Variants in AGR3 observed in about 807,000 individuals in gnomAD.
AGR3 encodes the protein anterior gradient protein 3.
A neutral mutation model predicts 24.5 loss-of-function variants in AGR3; 37 were observed. The observed-to-expected ratio is 1.51, with a 90% CI of 1.16 to 1.99. The LOEUF (loss-of-function observed/expected upper bound fraction) is 1.99. Among genes scored for constraint, AGR3 ranks in the 30% most tolerant of loss-of-function variants. The probability of loss-of-function intolerance (pLI) is 0.00; values close to 1 mark genes in which losing one functional copy is unlikely to be tolerated. For synonymous variants in AGR3, 75 were observed against 61.6 expected (o/e 1.22, Z -1.02); for missense variants, 228 against 191.1 (o/e 1.19, Z -1.14).
At chr7:16,869,190 A>G (rs995415261) in intron 3 of AGR3, among the ~76,000 whole-genome samples, 2 of 152,150 alleles carry the variant, frequency 1.3e-5, no homozygotes, top group African/African-American at 2.4e-5. Flanking sequence ...TTTCAGATCT[A>G]TTAACATCTG....
intron 2 of AGR3, among the ~76,000 whole-genome samples, 164 bp from the exon 3 acceptor site, chr7:16,874,007 T>C (rs922114765): frequency 6.6e-6 from 1 of 152,158 alleles, no homozygotes. Flanking sequence ...GATATGGAGG[T>C]GATTTCCCTT....
intron 3 of AGR3, 28 bp downstream of exon 3, chr7:16,873,752 G>T (rs1177537827): frequency 1.3e-6 from 2 of 1,545,880 alleles, no homozygotes; most frequent in East Asian, 2.3e-5. Context: ...CAAATAAAAG[G>T]AAAAAAATGA....
chr7:16,878,615 T>G lies in AGR3; in HGVS notation c.4A>C (p.Met2Leu), dbSNP rs987363219. MMLHSALGLCLL... is the reference protein window; with the variant it reads MLLHSALGLCLL... ...CAGAGACCCAAAGCTGAGTGTAGCA[T>G]CATGTCTTCTAGAGACTCTCTCAGA... is the stretch of plus-strand genomic sequence containing the variant. Residue 2 changes from methionine (M) to leucine (L), a missense_variant, in exon 2 of 8, where the codon ATG becomes CTG. Transcript: ENST00000310398. 1 of 1,613,592 alleles carries G rather than the reference T, an allele frequency of 6.2e-7. No individual in the cohort carries two copies. The highest frequency in any genetic ancestry group is 1.3e-5 in the African/African-American group (1 of 74,922).
intron 3 of AGR3, chr7:16,864,161 CTG>C: frequency 3.1e-6 from 2 of 647,558 alleles, no homozygotes; most frequent in Non-Finnish European, 4.9e-6. Flanking sequence ...AATTAACAAA[CTG>C]TTGTGTAATT....
At chr7:16,881,312 T>C (rs1253760161) in intron 1 of AGR3, among the ~76,000 whole-genome samples, 1 of 152,228 alleles carries the variant, frequency 6.6e-6, no homozygotes, top group Non-Finnish European at 1.5e-5. Context: ...TTTACATTGA[T>C]AAATTATAAA....
rs368862647 is a variant in AGR3 at position 16,878,573 on chromosome 7, C to G, written c.46G>C (p.Val16Leu). The G allele has an allele frequency of 4.2e-5, 68 of 1,614,118 alleles. No homozygotes were observed. The East Asian group carries it at 8.5e-4, about 20-fold the overall frequency. Reference sequence around the variant, plus strand: ...ATTGCAATGGCAAGGTTGGAAGAAACTGTGACGAGTAAGAGGCAGAGACCC... The same window carrying G: ...ATTGCAATGGCAAGGTTGGAAGAAAGTGTGACGAGTAAGAGGCAGAGACCC... ...ALGLCLLLVT[V>L]SSNLAIAIKK... is the part of the protein sequence containing the mutation. The change falls in exon 2 of 8, where the codon GTT (valine) becomes CTT (leucine). Residue 16 changes from valine (V) to leucine (L), a missense_variant. Transcript: ENST00000310398.
intron 2 of AGR3, among the ~76,000 whole-genome samples, chr7:16,875,815 G>T (rs1261626179): frequency 6.6e-6 from 1 of 152,050 alleles, no homozygotes; most frequent in Non-Finnish European, 1.5e-5. Flanking sequence ...CATCTTAACA[G>T]GAACTCTTGC....
At chr7:16,878,877 G>A (rs559420196) in intron 1 of AGR3, among the ~76,000 whole-genome samples, 2 of 152,286 alleles carry the variant, frequency 1.3e-5, no homozygotes, top group African/African-American at 2.4e-5. Context: ...TCCTGGGCAT[G>A]GTGCTGTATA....
At chr7:16,869,690 T>G (rs899639280) in intron 3 of AGR3, among the ~76,000 whole-genome samples, 10 of 151,476 alleles carry the variant, frequency 6.6e-5, no homozygotes, top group African/African-American at 2.4e-4. Flanking sequence ...TTTTTTTTTT[T>G]TTTTGCAGGG....
intron 3 of AGR3, chr7:16,873,497 T>G (rs1781924060): frequency 3.7e-6 from 1 of 273,348 alleles, no homozygotes; most frequent in African/African-American, 2.2e-5. Context: ...AAAATATAGC[T>G]AGATAGGAGG....
intron 3 of AGR3, among the ~76,000 whole-genome samples, chr7:16,872,824 A>G (rs1375928104): frequency 6.6e-6 from 1 of 152,226 alleles, no homozygotes; most frequent in African/African-American, 2.4e-5. Context: ...AAAAGAAGAC[A>G]CACAAATGGC....
In AGR3 at chr7:16,861,380, A is replaced by C. The variant is rs749070968; in HGVS notation, c.367+4T>G. 1 of 1,602,282 alleles carries C rather than the reference A, an allele frequency of 6.2e-7. No individual in the cohort carries two copies. The highest frequency in any genetic ancestry group is 1.1e-5 in the South Asian group (1 of 88,894). Reference sequence around the variant, plus strand: ...GATCTGATGAAATGAGATCACATACATACCTACAAACATGATTCTAGGCAC... The same window carrying C: ...GATCTGATGAAATGAGATCACATACCTACCTACAAACATGATTCTAGGCAC... On this transcript the variant is annotated splice_donor_region_variant and intron_variant, in intron 6 of 7. Transcript: ENST00000310398.
chr7:16,865,474 C>A, intron 3 of AGR3: 5 of 748,352 alleles, frequency 6.7e-6, no homozygotes, highest in Non-Finnish European at 1.2e-5. Flanking sequence ...GTAGAATGCT[C>A]TTCCCGAATT....
chr7:16,875,550 G>T (rs1781971129), intron 2 of AGR3, among the ~76,000 whole-genome samples: 1 of 152,084 alleles, frequency 6.6e-6, no homozygotes, highest in Non-Finnish European at 1.5e-5. Context: ...TGTCTTTTAT[G>T]AATAATGATG....
intron 7 of AGR3, among the ~76,000 whole-genome samples, chr7:16,860,297 A>G (rs1238021921): frequency 2.0e-5 from 3 of 152,170 alleles, no homozygotes; most frequent in African/African-American, 7.2e-5. Flanking sequence ...TAATCCTAAA[A>G]TCCCTTAGAC....
intron 1 of AGR3, among the ~76,000 whole-genome samples, chr7:16,879,101 C>G (rs113738863): frequency 8.8e-4 from 134 of 152,314 alleles, no homozygotes; most frequent in African/African-American, 3.1e-3. Context: ...TAAGATTATA[C>G]ATGAATAAAT....
At chr7:16,870,495 G>A (rs921390800) in intron 3 of AGR3, among the ~76,000 whole-genome samples, 1 of 151,976 alleles carries the variant, frequency 6.6e-6, no homozygotes, top group Non-Finnish European at 1.5e-5. Flanking sequence ...TGTTTTCCCA[G>A]TAAGCATAAT....
chr7:16,855,690 T>C (rs145625000), downstream of AGR3, among the ~76,000 whole-genome samples: 176 of 152,336 alleles, frequency 1.2e-3, 1 homozygote, highest in African/African-American at 3.9e-3. Flanking sequence ...AGAATGCTTA[T>C]CTTTCTTTAC....
At chr7:16,864,266 A>T (rs1408371176) in intron 3 of AGR3, 1 of 1,330,588 alleles carries the variant, frequency 7.5e-7, no homozygotes, top group Non-Finnish European at 1.1e-6. Context: ...GCTGGCTTCT[A>T]TGTCCCATCA....
Sources: allele counts gnomAD v4.1 joint callset (sites outside exome capture counted in the v4.1 genomes callset), GRCh38; gene constraint gnomAD v4.1.1; transcripts MANE v1.5; gene names NCBI Gene and HGNC (gene_info 2026-07-23, HGNC 2026-07-21).